The following SYCP1 variants were observed in gnomAD, a reference collection of about 807,000 sequenced individuals.
SYCP1 encodes cancer/testis antigen 8.
In SYCP1, 64 loss-of-function variants were observed where a neutral mutation model predicts 153.1. The ratio of observed to expected loss-of-function variants is 0.42; its 90% confidence interval spans 0.34 to 0.51. The LOEUF (loss-of-function observed/expected upper bound fraction) is 0.51. SYCP1 is among the 20% of genes least tolerant of loss of function. SYCP1 has a pLI of 0.06. For synonymous variants in SYCP1, 384 were observed against 341.8 expected (o/e 1.12, Z -1.36); for missense variants, 997 against 1,049.0 (o/e 0.95, Z 0.68).
At chr1:114,956,164 A>T (rs761276011) in intron 27 of SYCP1, among the ~76,000 whole-genome samples, 66 of 152,032 alleles carry the variant, frequency 4.3e-4, no homozygotes, top group Non-Finnish European at 1.5e-4. Context: ...TGTCTCTGAG[A>T]TCTATCTTGT....
chr1:114,876,120 C>T lies in SYCP1; in HGVS notation c.709C>T (p.Leu237=), dbSNP rs1665512354. Reference sequence around the variant, plus strand: ...TCGTGTGCAAGCTGAGAATTCCAGACTGGAAATGCATTTTAAGTGTAGGTA... The same window carrying T: ...TCGTGTGCAAGCTGAGAATTCCAGATTGGAAATGCATTTTAAGTGTAGGTA... ...ELRVQAENSR[L]EMHFKLKEDY... is the part of the protein sequence containing the mutation. The change falls in exon 10 of 32, where the codon CTG becomes TTG. Residue 237 remains leucine (L), a synonymous_variant. Transcript: ENST00000369522. The T allele has an allele frequency of 6.3e-7, 1 of 1,582,748 alleles. No individual in the cohort carries two copies. Among genetic ancestry groups the T allele is most frequent in the Non-Finnish European group, 8.6e-7 (1 of 1,163,204 alleles).
chr1:114,913,927 AT>A (rs779258161), intron 19 of SYCP1, 47 bp from the exon 20 acceptor site: 1 of 1,354,526 alleles, frequency 7.4e-7, no homozygotes, highest in South Asian at 1.5e-5. Flanking sequence ...TTTAAATTTT[AT>A]TTTTGTTTAA....
At chr1:114,975,283 AT>A (rs1280605341) in intron 27 of SYCP1, among the ~76,000 whole-genome samples, 4 of 149,358 alleles carry the variant, frequency 2.7e-5, no homozygotes, top group Admixed American at 1.3e-4. Flanking sequence ...TTGTCATCTT[AT>A]TTTTCACTAC....
chr1:114,881,056 T>TATATACACAC (rs375436670), intron 12 of SYCP1, among the ~76,000 whole-genome samples: 21,612 of 144,622 alleles, frequency 0.15, 1,935 homozygotes, highest in Non-Finnish European at 0.18. Context: ...TTTGTGTATA[T>TATATACACAC]ACACACACAC....
intron 23 of SYCP1, among the ~76,000 whole-genome samples, chr1:114,929,111 C>A (rs529648476): frequency 6.6e-6 from 1 of 152,104 alleles, no homozygotes; most frequent in African/African-American, 2.4e-5. Context: ...ATCCTTATGA[C>A]CTAATCACTT....
At chr1:114,906,872 AAT>A (rs1667844893) in intron 16 of SYCP1, among the ~76,000 whole-genome samples, 2 of 152,160 alleles carry the variant, frequency 1.3e-5, no homozygotes, top group East Asian at 3.9e-4. Flanking sequence ...GTGTTGTACA[AAT>A]ATATGTTTTT....
intron 30 of SYCP1, among the ~76,000 whole-genome samples, chr1:114,986,352 G>A (rs1673506425): frequency 1.3e-5 from 2 of 152,014 alleles, no homozygotes; most frequent in South Asian, 4.1e-4. Flanking sequence ...ATGAGAATTA[G>A]AAAGAAAATG....
At chr1:114,873,070 ATGTAC>A (rs1665266502) in intron 8 of SYCP1, among the ~76,000 whole-genome samples, 2 of 152,152 alleles carry the variant, frequency 1.3e-5, no homozygotes, top group African/African-American at 4.8e-5. Flanking sequence ...TGTCTACTTT[ATGTAC>A]TAGAGCCCTT....
intron 20 of SYCP1, among the ~76,000 whole-genome samples, chr1:114,919,306 T>C (rs535286327): frequency 6.6e-6 from 1 of 152,166 alleles, no homozygotes; most frequent in East Asian, 1.9e-4. Flanking sequence ...TGTATCACAT[T>C]GATTTATTTG....
intron 27 of SYCP1, among the ~76,000 whole-genome samples, chr1:114,963,438 A>G (rs1353906978): frequency 6.6e-6 from 1 of 152,124 alleles, no homozygotes; most frequent in Non-Finnish European, 1.5e-5. Context: ...AGTTTGTTAC[A>G]TAGGTATACA....
intron 20 of SYCP1, among the ~76,000 whole-genome samples, chr1:114,915,505 A>C (rs1415248527): frequency 1.3e-5 from 2 of 152,244 alleles, no homozygotes; most frequent in Non-Finnish European, 2.9e-5. Context: ...TGAACAATTA[A>C]CACAAATTCA....
rs550223513 is a variant in SYCP1, at chr1:114,905,404, A to T, written c.1321-4993A>T. The stretch of plus-strand genomic sequence containing the variant: ...GCATCGTTAACCCCCAGACCCAAGG[A>T]TTATATACCTTAGAGGAGGGGTACA... On this transcript the variant is annotated intron_variant, in intron 16 of 31. Transcript: ENST00000369522. Among the ~76,000 whole-genome samples, 972 of 152,316 alleles carry T rather than the reference A, an allele frequency of 6.4e-3. 9 individuals carry two copies. The highest frequency in any genetic ancestry group is 0.022 in the African/African-American group (915 of 41,578).
In SYCP1 at chr1:114,955,284, G is replaced by GGA. The variant is rs139654068; in HGVS notation, c.2322+7978_2322+7979dup. Among the ~76,000 whole-genome samples the GGA allele has an allele frequency of 1.6e-3, 235 of 151,180 alleles. 1 individual carries two copies. Among genetic ancestry groups the GGA allele is most frequent in the African/African-American group, 3.4e-3 (140 of 41,244 alleles). On this transcript the variant is annotated intron_variant, in intron 27 of 31. Transcript: ENST00000369522. ...TATACATATGGAGAGTGAGAAACAG[G>GGA]GAGAGAGAGAGAGAGGGCACTTGCT...
In SYCP1 at chr1:114,944,545, TATTAA is replaced by T; in HGVS notation, c.2043+95_2043+99del. ...AAGAGGAAAGTAAAAAAATCTTAAC[TATTAA>T]ATTACAATTTTAGAAAAGGGTTAGT... On this transcript the variant is annotated intron_variant, in intron 24 of 31. Coordinates refer to ENST00000369522, the MANE Select transcript of SYCP1 (RefSeq NM_003176.4). 1.5e-5 allele frequency: 12 copies of T among 792,818 alleles called. No individual in the cohort carries two copies. In the South Asian group the frequency reaches 2.0e-4, roughly 13 times the overall value. The allele number at this position is 792,818 out of a possible 1,614,324, so 49.1% of individuals were successfully genotyped here.
intron 8 of SYCP1, among the ~76,000 whole-genome samples, chr1:114,867,831 G>A (rs960515200): frequency 6.6e-6 from 1 of 151,952 alleles, no homozygotes; most frequent in Non-Finnish European, 1.5e-5. Context: ...TCCTTGCCTT[G>A]TTCCTGATCT....
chr1:114,861,799 C>CT (rs1334859101), intron 8 of SYCP1, among the ~76,000 whole-genome samples: 5,557 of 129,842 alleles, frequency 0.043, 195 homozygotes, highest in African/African-American at 0.089. Context: ...TTTTTTTATT[C>CT]TTTTTTTTTT....
rs373160956 is a variant in SYCP1, at chr1:114,913,137, A to G, written c.1634A>G (p.Gln545Arg). Residue 545 changes from glutamine to arginine, a missense_variant, in exon 19 of 32, where the codon CAA becomes CGA. Physicochemically the swap from Gln to Arg is conservative, Grantham distance 43 (BLOSUM62 1). Around this residue, in one of 2 missense-constraint regions of SYCP1, gnomAD observed 712 missense variants for 682.9 expected, o/e 1.04. Coordinates refer to ENST00000369522, the MANE Select transcript of SYCP1 (RefSeq NM_003176.4). ...SDMTLELKNQ[Q>R]EDINNNKKQE... ...ATGACCCTAGAACTCAAGAATCAGC[A>G]AGAAGATATTAATGTGAGTTGAAAA... 8 of 1,610,406 alleles carry G rather than the reference A, an allele frequency of 5.0e-6. No individual in the cohort carries two copies. Among genetic ancestry groups the G allele is most frequent in the African/African-American group, 4.0e-5 (3 of 74,754 alleles).
chr1:114,884,210 C>A (rs960014358), intron 12 of SYCP1, among the ~76,000 whole-genome samples: 2 of 152,184 alleles, frequency 1.3e-5, no homozygotes, highest in Non-Finnish European at 2.9e-5. Flanking sequence ...CGTTTCCAAT[C>A]ATATCTCCTG....
chr1:114,904,061 T>A (rs112273964), intron 16 of SYCP1, among the ~76,000 whole-genome samples: 67 of 152,298 alleles, frequency 4.4e-4, no homozygotes, highest in African/African-American at 1.4e-3. Context: ...AAAATTGTTG[T>A]AGCTATTCTA....
Sources: allele counts gnomAD v4.1 joint callset (sites outside exome capture counted in the v4.1 genomes callset), GRCh38; gene constraint gnomAD v4.1.1; regional missense constraint gnomAD v4.1.1; transcripts MANE v1.5; gene names NCBI Gene and HGNC (gene_info 2026-07-23, HGNC 2026-07-21).